Variants in LSP1 observed in about 807,000 individuals in gnomAD.
LSP1 encodes lymphocyte-specific protein 1.
LSP1 carries 32 observed loss-of-function variants against 49.3 expected under a neutral mutation model. That is an observed-to-expected ratio of 0.65 (90% CI 0.49 to 0.87). LSP1 has a LOEUF of 0.87. LSP1 is among the 40% of genes least tolerant of loss of function. The probability of loss-of-function intolerance (pLI) is 0.00; values close to 1 mark genes in which losing one functional copy is unlikely to be tolerated. For synonymous variants in LSP1, 179 were observed against 178.8 expected, an observed-to-expected ratio of 1.00 and a Z score of -0.01; for missense variants, 428 against 442.6, an observed-to-expected ratio of 0.97 and a Z score of 0.30.
chr11:1,866,488 G>A, intron 1 of LSP1: 1 of 1,492,066 alleles, frequency 6.7e-7, no homozygotes, highest in Non-Finnish European at 9.0e-7. Context: ...GCTCCGATCT[G>A]GTCCCCACCT....
chr11:1,869,667 C>T (rs927954797), intron 1 of LSP1: 7 of 456,676 alleles, frequency 1.5e-5, no homozygotes, highest in African/African-American at 2.6e-5. Context: ...GCTCCAAAGA[C>T]GGGCGGTAGG....
intron 1 of LSP1, among the ~76,000 whole-genome samples, chr11:1,872,347 T>TGC (rs1848068063): frequency 9.6e-6 from 1 of 104,050 alleles, no homozygotes; most frequent in Non-Finnish European, 1.9e-5. Flanking sequence ...CCCCAGCCCA[T>TGC]GCTGGTAGAG....
In LSP1 at chr11:1,881,611, C is replaced by T. The variant is rs563462923; in HGVS notation, c.356+15C>T. The T allele has an allele frequency of 1.5e-5, 22 of 1,460,026 alleles. No individual in the cohort carries two copies. In the South Asian group the frequency reaches 2.1e-4, roughly 14 times the overall value. 90.4% of individuals were successfully genotyped at this position (1,460,026 alleles called of 1,614,324 possible). On this transcript the variant is annotated intron_variant, in intron 3 of 10. Coordinates refer to ENST00000311604, the MANE Select transcript of LSP1 (RefSeq NM_002339.3). Reference sequence around the variant, plus strand: ...CAAGAGGACAGGTGAGTGAGGGCCTCGAGGGCGGGCGCTGGGCAGAGCAGG... The same window carrying T: ...CAAGAGGACAGGTGAGTGAGGGCCTTGAGGGCGGGCGCTGGGCAGAGCAGG...
At chr11:1,871,332 G>A in intron 1 of LSP1, 1 of 986,196 alleles carries the variant, frequency 1.0e-6, no homozygotes, top group Non-Finnish European at 1.2e-6. Flanking sequence ...CGCCGCAGAT[G>A]GGGGCAGAGA....
chr11:1,873,999 T>TGGCAGAGCAGGGAGCCC (rs1565079465), intron 1 of LSP1, among the ~76,000 whole-genome samples: 1 of 32,364 alleles, frequency 3.1e-5, no homozygotes, highest in Non-Finnish European at 6.3e-5. Flanking sequence ...GGAGGGAGGC[T>TGGCAGAGCAGGGAGCCC]GGCAGAGCAG....
At chr11:1,889,015 C>G (rs1322835996) in intron 10 of LSP1, 1 of 556,860 alleles carries the variant, frequency 1.8e-6, no homozygotes, top group African/African-American at 2.0e-5. Context: ...CCTTCCCAGG[C>G]TGCCCTGCAC....
chr11:1,866,105 C>T (rs1847781014), intron 1 of LSP1, among the ~76,000 whole-genome samples: 1 of 152,192 alleles, frequency 6.6e-6, no homozygotes, highest in South Asian at 2.1e-4. Context: ...TCTGCACCGT[C>T]AGCCACTCTG....
chr11:1,870,168 C>T (rs926762074), intron 1 of LSP1: 11 of 780,286 alleles, frequency 1.4e-5, no homozygotes, highest in African/African-American at 9.0e-5. Context: ...GGACCAAGGC[C>T]GGTCCACTTG....
chr11:1,887,380 C>A lies in LSP1; in HGVS notation c.930+66C>A. 7 of 1,581,644 alleles carry A rather than the reference C, an allele frequency of 4.4e-6. No individual in the cohort carries two copies. In the South Asian group the frequency reaches 7.8e-5, roughly 18 times the overall value. On this transcript the variant is annotated intron_variant, in intron 9 of 10. Coordinates refer to ENST00000311604, the MANE Select transcript of LSP1 (RefSeq NM_002339.3). Reference sequence around the variant, plus strand: ...GCAGGGGAGGGCAAAGAGGGACTGTCCTCTGTGCATCTGGGAGGGCTTCCC... The same window carrying A: ...GCAGGGGAGGGCAAAGAGGGACTGTACTCTGTGCATCTGGGAGGGCTTCCC...
In LSP1 at chr11:1,890,321, G is replaced by T. The variant is rs778066099; in HGVS notation, c.*14-1452G>T. Reference sequence around the variant, plus strand: ...CAGGAAGGCGTGGGGCTTCGGCGGGGTGCGGGCCCTCAGCAGCGTGCGGGG... The same window carrying T: ...CAGGAAGGCGTGGGGCTTCGGCGGGTTGCGGGCCCTCAGCAGCGTGCGGGG... On this transcript the variant is annotated intron_variant, in intron 10 of 10. Coordinates refer to ENST00000311604, the MANE Select transcript of LSP1 (RefSeq NM_002339.3). 9.8e-6 allele frequency: 7 copies of T among 712,272 alleles called. No homozygotes were observed. In the East Asian group the frequency reaches 1.6e-4, roughly 16 times the overall value. 44.1% of individuals were successfully genotyped at this position (712,272 alleles called of 1,614,324 possible). A position where few individuals can be genotyped will look rare whatever the true frequency, so the allele number is the denominator to read the frequency against.
At chr11:1,872,239 G>A (rs1848058835) in intron 1 of LSP1, among the ~76,000 whole-genome samples, 1 of 137,782 alleles carries the variant, frequency 7.3e-6, no homozygotes, top group African/African-American at 2.8e-5. Flanking sequence ...CTGGGCTGTA[G>A]TCACCCTGGC....
At chr11:1,868,132 G>T (rs1409658215) in intron 1 of LSP1, among the ~76,000 whole-genome samples, 1 of 152,230 alleles carries the variant, frequency 6.6e-6, no homozygotes, top group African/African-American at 2.4e-5. Flanking sequence ...ACCTCAAGAG[G>T]ACTTCAGCCC....
In LSP1 at chr11:1,884,760, A is replaced by G. The variant is rs1453105873; in HGVS notation, c.717+179A>G. Reference sequence around the variant, plus strand: ...CAATCAATGCCCCTCCATCTAATCAATGTCACTCCATGTAATCAATGCCCC... The same window carrying G: ...CAATCAATGCCCCTCCATCTAATCAGTGTCACTCCATGTAATCAATGCCCC... On this transcript the variant is annotated intron_variant, in intron 7 of 10. Coordinates refer to ENST00000311604, the MANE Select transcript of LSP1 (RefSeq NM_002339.3). The surrounding 1 kb of genome is among the most constrained non-coding windows in gnomAD (Gnocchi z 4.1). Among the ~76,000 whole-genome samples the G allele has an allele frequency of 6.6e-6, 1 of 151,588 alleles. No individual in the cohort carries two copies. The highest frequency in any genetic ancestry group is 2.4e-5 in the African/African-American group (1 of 41,194).
At chr11:1,890,041 G>A (rs1407687685) in intron 10 of LSP1, 4 of 701,014 alleles carry the variant, frequency 5.7e-6, no homozygotes, top group Non-Finnish European at 1.1e-5. Context: ...AGCTGGATGT[G>A]CACCTGGGTG....
chr11:1,877,083 C>T (rs1356719384), intron 1 of LSP1, among the ~76,000 whole-genome samples: 1 of 152,198 alleles, frequency 6.6e-6, no homozygotes, highest in Non-Finnish European at 1.5e-5. Flanking sequence ...GGGCCACGGG[C>T]GGGGTCGGCC....
intron 1 of LSP1, among the ~76,000 whole-genome samples, chr11:1,874,688 C>T (rs4980385): frequency 0.15 from 23,332 of 152,168 alleles, 2,449 homozygotes; most frequent in East Asian, 0.44. Flanking sequence ...CGACTCCCTC[C>T]GGCAGCCCCC....
intron 3 of LSP1, among the ~76,000 whole-genome samples, chr11:1,883,079 G>C (rs1005013343): frequency 6.6e-6 from 1 of 152,240 alleles, no homozygotes; most frequent in Admixed American, 6.5e-5. Flanking sequence ...AGACCAACCG[G>C]GTGTGCAAGC....
intron 1 of LSP1, among the ~76,000 whole-genome samples, chr11:1,863,832 G>C (rs1203002796): frequency 6.6e-6 from 1 of 152,182 alleles, no homozygotes; most frequent in Non-Finnish European, 1.5e-5. Flanking sequence ...GGACCATGCT[G>C]TGCCAATACC....
chr11:1,886,756 G>A lies in LSP1; in HGVS notation c.742G>A (p.Ala248Thr). 1 of 1,610,952 alleles carries A rather than the reference G, an allele frequency of 6.2e-7. No individual in the cohort carries two copies. Among genetic ancestry groups the A allele is most frequent in the East Asian group, 2.2e-5 (1 of 44,842 alleles). Reference protein sequence around the residue: ...IETAGRTPKLARQASIELPSM... With the variant: ...IETAGRTPKLTRQASIELPSM... ...GACCGCTGGCCGGACCCCCAAGCTA[G>A]CCCGCCAGGCCTCCATAGAGCTGCC... is the stretch of plus-strand genomic sequence containing the variant. The change falls in exon 8 of 11, where the codon GCC becomes ACC. Residue 248 changes from alanine to threonine, a missense_variant. Ala to Thr is a moderately conservative substitution (Grantham distance 58, BLOSUM62 0). Coordinates refer to ENST00000311604, the MANE Select transcript of LSP1 (RefSeq NM_002339.3).
Sources: gnomAD v4.1 joint callset for allele counts (sites outside exome capture counted in the v4.1 genomes callset) on GRCh38, gnomAD v4.1.1 for gene constraint, Gnocchi (gnomAD v3.1) non-coding constraint, MANE v1.5 for transcripts, NCBI Gene and HGNC (gene_info 2026-07-23, HGNC 2026-07-21) for gene names.